PCDHGA7: variants seen among roughly 807,000 people sequenced by gnomAD.
PCDHGA7 encodes protocadherin gamma-A7.
Under a neutral mutation model 58.3 loss-of-function variants are expected in PCDHGA7, and 44 were observed. The observed-to-expected ratio is 0.75, with a 90% CI of 0.59 to 0.97. The LOEUF is 0.97. Among genes scored for constraint, PCDHGA7 ranks in the 50% least tolerant of loss-of-function variants. The pLI is 0.00. For synonymous variants in PCDHGA7, 516 were observed against 504.2 expected (o/e 1.02, Z -0.31); for missense variants, 1,266 against 1,188.7 (o/e 1.06, Z -0.96).
In PCDHGA7 at chr5:141,431,339, T is replaced by A. The variant is rs1374646530; in HGVS notation, c.2424+46016T>A. 7.4e-6 allele frequency: 12 copies of A among 1,613,942 alleles called. No homozygotes were observed. In the Admixed American group the frequency reaches 1.2e-4, roughly 16 times the overall value. ...AGCCGACGGTAGTAAGTACCCCGAA[T>A]TGGTGCTGAAACGCGCCCTGGACCG... On this transcript the variant is annotated intron_variant, in intron 1 of 3. Coordinates refer to ENST00000518325, the MANE Select transcript of PCDHGA7 (RefSeq NM_018920.4). This position sits in a 1 kb window ranked among gnomAD's most constrained non-coding sequence, Gnocchi z 4.8.
rs2097542578 is a variant in PCDHGA7 at position 141,432,849 on chromosome 5, T to C, written c.2424+47526T>C. On this transcript the variant is annotated intron_variant, in intron 1 of 3. Coordinates refer to ENST00000518325, the MANE Select transcript of PCDHGA7 (RefSeq NM_018920.4). The surrounding 1 kb of genome is among the most constrained non-coding windows in gnomAD (Gnocchi z 6.0). ...CTCACTCTGTACCTGGTGGTAGCGG[T>C]GGCCGCGGTCTCCTGCGTCTTCCTG... 2 of 1,614,076 alleles carry C rather than the reference T, an allele frequency of 1.2e-6. No individual in the cohort carries two copies. Among genetic ancestry groups the C allele is most frequent in the South Asian group, 1.1e-5 (1 of 91,096 alleles).
chr5:141,440,572 GT>G (rs1233263525), intron 1 of PCDHGA7: 1 of 152,200 alleles, frequency 6.6e-6, no homozygotes, highest in Non-Finnish European at 1.5e-5. Context: ...GTATCTCTGA[GT>G]TTACCCAGCT....
chr5:141,423,923 G>A (rs2096790975), intron 1 of PCDHGA7: 2 of 1,254,626 alleles, frequency 1.6e-6, no homozygotes, highest in African/African-American at 1.6e-5. Flanking sequence ...CAACTATGCT[G>A]GTTTGGTTTG....
At chr5:141,400,514 A>T in intron 1 of PCDHGA7, 1 of 1,613,950 alleles carries the variant, frequency 6.2e-7, no homozygotes, top group South Asian at 1.1e-5. Context: ...TCGACTTCCC[A>T]TCCTGAGTTG....
At chr5:141,395,197 T>A in intron 1 of PCDHGA7, 1 of 1,614,012 alleles carries the variant, frequency 6.2e-7, no homozygotes, top group Non-Finnish European at 8.5e-7. Context: ...TTAACATCCG[T>A]AGATTTTCAT....
intron 2 of PCDHGA7, among the ~76,000 whole-genome samples, chr5:141,501,868 C>G (rs1016056445): frequency 1.3e-5 from 2 of 152,120 alleles, no homozygotes; most frequent in African/African-American, 2.4e-5. Flanking sequence ...TCCCAGGACG[C>G]CTCCTTACAC....
In PCDHGA7 at chr5:141,385,275, A is replaced by G. The variant is rs115152670; in HGVS notation, c.2376A>G (p.Leu792=). The G allele has an allele frequency of 1.9e-3, 3,011 of 1,613,598 alleles. 48 individuals carry two copies. In the African/African-American group the frequency reaches 0.033, roughly 18 times the overall value. Residue 792 remains leucine (L), a synonymous_variant, in exon 1 of 4, where the codon CTA becomes CTG. Coordinates refer to ENST00000518325, the MANE Select transcript of PCDHGA7 (RefSeq NM_018920.4). ...GCTGTGAGAAAAATGATTCTTTGCTAACATCCGTAGATTTTCAGGAATGTA... is the reference window on the plus strand; with the variant it reads ...GCTGTGAGAAAAATGATTCTTTGCTGACATCCGTAGATTTTCAGGAATGTA... ...QESCEKNDSL[L]TSVDFQECKE...
chr5:141,450,758 A>G (rs1007910264), intron 1 of PCDHGA7, among the ~76,000 whole-genome samples: 2 of 151,784 alleles, frequency 1.3e-5, no homozygotes, highest in African/African-American at 4.8e-5. Flanking sequence ...AAGTGCCGGG[A>G]TTACAGGCAT....
chr5:141,383,196 T>G lies in PCDHGA7; in HGVS notation c.297T>G (p.Ser99Arg). ...RIDREEICAQ[S>R]ARCLVNFNIL... is the part of the protein sequence containing the mutation. ...ACCGGGAAGAGATCTGCGCTCAGAG[T>G]GCGCGGTGTCTGGTAAACTTTAACA... Residue 99 changes from serine (S) to arginine (R), a missense_variant, in exon 1 of 4, where the codon AGT becomes AGG. Transcript: ENST00000518325. The G allele has an allele frequency of 1.9e-6, 3 of 1,613,866 alleles. No homozygotes were observed. Among genetic ancestry groups the G allele is most frequent in the Non-Finnish European group, 2.5e-6 (3 of 1,179,906 alleles).
Position 141,485,193 on chromosome 5 carries a change from G to C in PCDHGA7, c.2425-9614G>C. 1 of 1,613,988 alleles carries C rather than the reference G, an allele frequency of 6.2e-7. No individual in the cohort carries two copies. Among genetic ancestry groups the C allele is most frequent in the Non-Finnish European group, 8.5e-7 (1 of 1,179,852 alleles). On this transcript the variant is annotated intron_variant, in intron 1 of 3. Transcript: ENST00000518325. This position sits in a 1 kb window ranked among gnomAD's most constrained non-coding sequence, Gnocchi z 5.7. ...GCAGCAATGCTCCGCAAGGTGAGAA[G>C]CTGGACAGAAATCTGGCGGTGGGCT...
chr5:141,451,237 A>G (rs1405567593), intron 1 of PCDHGA7, among the ~76,000 whole-genome samples: 1 of 152,198 alleles, frequency 6.6e-6, no homozygotes, highest in Non-Finnish European at 1.5e-5. Context: ...TTATTATCTC[A>G]TAAATTTTGT....
intron 1 of PCDHGA7, chr5:141,410,044 C>G: frequency 6.2e-7 from 1 of 1,613,184 alleles, no homozygotes; most frequent in Non-Finnish European, 8.5e-7. Flanking sequence ...CCAGTGAGCC[C>G]GGACTCTTCA....
chr5:141,503,181 A>C (rs532503504), intron 2 of PCDHGA7, among the ~76,000 whole-genome samples: 54 of 152,060 alleles, frequency 3.6e-4, no homozygotes, highest in African/African-American at 1.3e-3. Context: ...TCTATTGTGT[A>C]ATTATTTAAA....
At chr5:141,404,399 G>A in intron 1 of PCDHGA7, 2 of 1,613,896 alleles carry the variant, frequency 1.2e-6, no homozygotes, top group Non-Finnish European at 1.7e-6. Context: ...TGATAGCAAT[G>A]AGAATTCTAG....
intron 1 of PCDHGA7, among the ~76,000 whole-genome samples, chr5:141,472,119 A>C (rs1015212535): frequency 6.6e-6 from 1 of 152,240 alleles, no homozygotes; most frequent in African/African-American, 2.4e-5. Context: ...AAAGAAAATA[A>C]AAGAGAAGTT....
intron 3 of PCDHGA7, among the ~76,000 whole-genome samples, chr5:141,510,162 A>C (rs947806998): frequency 6.6e-6 from 1 of 151,838 alleles, no homozygotes; most frequent in Non-Finnish European, 1.5e-5. Flanking sequence ...AATCTCAGCT[A>C]CTCAGGAGGT....
chr5:141,433,122 G>C (rs1442464320), intron 1 of PCDHGA7: 1 of 1,614,134 alleles, frequency 6.2e-7, no homozygotes, highest in Admixed American at 1.7e-5. Flanking sequence ...TTTGAAAAAA[G>C]CGAGCCCCTT....
chr5:141,446,455 T>G (rs1347586383), intron 1 of PCDHGA7, among the ~76,000 whole-genome samples: 1 of 151,858 alleles, frequency 6.6e-6, no homozygotes, highest in Non-Finnish European at 1.5e-5. Context: ...AGATATTCAG[T>G]GTGTGATTAG....
intron 1 of PCDHGA7, chr5:141,440,019 G>A (rs747595475): frequency 6.5e-5 from 10 of 153,114 alleles, no homozygotes; most frequent in Non-Finnish European, 8.8e-5. Flanking sequence ...AAGGATCTGG[G>A]ACTCAGTGTC....
Sources: gnomAD v4.1 joint callset for allele counts (sites outside exome capture counted in the v4.1 genomes callset) on GRCh38, gnomAD v4.1.1 for gene constraint, Gnocchi (gnomAD v3.1) non-coding constraint, MANE v1.5 for transcripts, NCBI Gene and HGNC (gene_info 2026-07-23, HGNC 2026-07-21) for gene names.